Variants in MED13L observed in about 807,000 individuals in gnomAD.
MED13L encodes the protein mediator complex subunit 13L, also known as mediator of RNA polymerase II transcription subunit 13-like.
In MED13L, 7 loss-of-function variants were observed where a neutral mutation model predicts 220.9. The observed-to-expected ratio is 0.03, with a 90% confidence interval of 0.02 to 0.06. MED13L has a LOEUF of 0.06. Ranked by LOEUF, MED13L falls within the 10% of genes least tolerant of loss-of-function variation. MED13L has a pLI of 1.00. For synonymous variants in MED13L, 1,011 were observed against 1,015.2 expected (o/e 1.00, Z 0.08); for missense variants, 1,965 against 2,760.5 (o/e 0.71, Z 6.46).
intron 2 of MED13L, among the ~76,000 whole-genome samples, chr12:116,126,519 A>G (rs1300024033): frequency 6.6e-6 from 1 of 152,184 alleles, no homozygotes; most frequent in Non-Finnish European, 1.5e-5. Flanking sequence ...GGACAGCTGC[A>G]GTTTTATCCA....
intron 3 of MED13L, among the ~76,000 whole-genome samples, chr12:116,099,540 A>C (rs945993401): frequency 2.0e-5 from 3 of 152,252 alleles, no homozygotes; most frequent in African/African-American, 7.2e-5. Flanking sequence ...CCATTTATTC[A>C]GTAACAAATC....
At chr12:116,211,180 C>G (rs1882681204) in intron 2 of MED13L, among the ~76,000 whole-genome samples, 1 of 152,154 alleles carries the variant, frequency 6.6e-6, no homozygotes, top group Non-Finnish European at 1.5e-5. Flanking sequence ...CCCAAAGTGG[C>G]CTTTCGGACC....
chr12:116,167,863 T>C (rs1197110726), intron 2 of MED13L, among the ~76,000 whole-genome samples: 1 of 152,224 alleles, frequency 6.6e-6, no homozygotes, highest in African/African-American at 2.4e-5. Context: ...TGATGGACTA[T>C]ATTTAATACA....
intron 2 of MED13L, among the ~76,000 whole-genome samples, chr12:116,138,279 A>C (rs1876755368): frequency 6.6e-6 from 1 of 152,222 alleles, no homozygotes; most frequent in South Asian, 2.1e-4. Flanking sequence ...TAAAGCCTAG[A>C]CTTAGGAGAA....
intron 21 of MED13L, 43 bp downstream of exon 21, chr12:115,983,074 G>T: frequency 1.3e-6 from 2 of 1,587,392 alleles, no homozygotes; most frequent in South Asian, 1.1e-5. Context: ...AGAGAGAAAG[G>T]GTCTGAGCTG....
chr12:116,067,927 A>C (rs1870076002), intron 4 of MED13L, among the ~76,000 whole-genome samples: 2 of 152,244 alleles, frequency 1.3e-5, no homozygotes, highest in Admixed American at 1.3e-4. Context: ...TCATCTGTTT[A>C]ATTACACTAG....
chr12:115,974,694 C>T (rs549954216), intron 25 of MED13L, among the ~76,000 whole-genome samples: 2 of 152,308 alleles, frequency 1.3e-5, no homozygotes, highest in South Asian at 2.1e-4. Context: ...ACTGCCTCTA[C>T]TGGCAACTAC....
At chr12:116,058,343 A>T (rs1869142259) in intron 4 of MED13L, among the ~76,000 whole-genome samples, 1 of 152,164 alleles carries the variant, frequency 6.6e-6, no homozygotes, top group Non-Finnish European at 1.5e-5. Flanking sequence ...TGTTTATTTC[A>T]ACCTAAGCAA....
chr12:116,071,046 A>G (rs1458378383), intron 4 of MED13L, among the ~76,000 whole-genome samples: 1 of 152,236 alleles, frequency 6.6e-6, no homozygotes, highest in Non-Finnish European at 1.5e-5. Flanking sequence ...TCAAAATATC[A>G]GTATTTTTAA....
chr12:116,204,970 T>C (rs1029001526), intron 2 of MED13L, among the ~76,000 whole-genome samples: 5 of 152,080 alleles, frequency 3.3e-5, no homozygotes, highest in African/African-American at 1.2e-4. Flanking sequence ...CTGGGACAAA[T>C]ACTGCTTCTT....
At chr12:116,265,073 T>G (rs1872736960) in intron 1 of MED13L, among the ~76,000 whole-genome samples, 2 of 152,264 alleles carry the variant, frequency 1.3e-5, no homozygotes, top group Middle Eastern at 3.4e-3. Flanking sequence ...TTATCCAAGA[T>G]TCTACCCTCA....
chr12:116,272,405 A>G (rs1403674788), intron 1 of MED13L, among the ~76,000 whole-genome samples: 2 of 152,146 alleles, frequency 1.3e-5, no homozygotes, highest in African/African-American at 4.8e-5. Context: ...TATTAAAAAC[A>G]CAAATAAATT....
chr12:116,090,335 G>C (rs1217971123), intron 4 of MED13L, among the ~76,000 whole-genome samples: 4 of 152,144 alleles, frequency 2.6e-5, no homozygotes, highest in Non-Finnish European at 5.9e-5. Flanking sequence ...ATCTGATTAT[G>C]AGTATCGTTA....
chr12:116,200,863 CATA>C (rs1270121272), intron 2 of MED13L, among the ~76,000 whole-genome samples: 1 of 152,066 alleles, frequency 6.6e-6, no homozygotes. Context: ...ATTCCTATGA[CATA>C]GTAGATCGGG....
At chr12:116,099,305 G>A (rs1475980156) in intron 3 of MED13L, among the ~76,000 whole-genome samples, 1 of 152,130 alleles carries the variant, frequency 6.6e-6, no homozygotes, top group Non-Finnish European at 1.5e-5. Flanking sequence ...GTAAATTACA[G>A]TCTATTTAAC....
intron 2 of MED13L, among the ~76,000 whole-genome samples, chr12:116,173,671 T>C (rs1879850299): frequency 6.6e-6 from 1 of 152,128 alleles, no homozygotes; most frequent in African/African-American, 2.4e-5. Flanking sequence ...GAGCATGCAT[T>C]TGCTGGATAA....
intron 22 of MED13L, 143 bp downstream of exon 22, chr12:115,982,241 A>G: frequency 4.7e-6 from 4 of 855,506 alleles, no homozygotes; most frequent in Admixed American, 2.5e-5. Flanking sequence ...CGGAAATCCA[A>G]AACACTCTGG....
chr12:116,014,220 C>CT (rs1314026120), intron 8 of MED13L, among the ~76,000 whole-genome samples: 1 of 152,142 alleles, frequency 6.6e-6, no homozygotes, highest in Non-Finnish European at 1.5e-5. Flanking sequence ...GGTTTTAAAT[C>CT]TGTATAAAAA....
chr12:116,188,671 T>C (rs1395058147), intron 2 of MED13L, among the ~76,000 whole-genome samples: 1 of 152,180 alleles, frequency 6.6e-6, no homozygotes, highest in Non-Finnish European at 1.5e-5. Flanking sequence ...ATGGTCAAGA[T>C]ACAGACTATT....
Sources: allele counts gnomAD v4.1 joint callset (sites outside exome capture counted in the v4.1 genomes callset), GRCh38; gene constraint gnomAD v4.1.1; transcripts MANE v1.5; gene names NCBI Gene and HGNC (gene_info 2026-07-23, HGNC 2026-07-21).